Variants in ESCO2 observed in about 807,000 individuals in gnomAD.
The protein encoded by ESCO2 is N-acetyltransferase ESCO2.
Under a neutral mutation model 61.7 loss-of-function variants are expected in ESCO2, and 51 were observed. The observed-to-expected ratio is 0.83, with a 90% confidence interval of 0.66 to 1.04. ESCO2 has a LOEUF of 1.04. Ranked by LOEUF, ESCO2 falls within the 50% of genes least tolerant of loss-of-function variation. The pLI is 0.00. For synonymous variants in ESCO2, 230 were observed against 238.2 expected (o/e 0.97, Z 0.32); for missense variants, 692 against 686.2 (o/e 1.01, Z -0.09).
chr8:27,776,293 C>T, intron 2 of ESCO2, 69 bp from the exon 3 acceptor site: 1 of 1,313,386 alleles, frequency 7.6e-7, no homozygotes, highest in Non-Finnish European at 1.1e-6. Context: ...GTAGAGCTTA[C>T]TTAGCAGTAG....
Position 27,805,000 on chromosome 8 carries a change from CGGCCGGGCGCGG to C in ESCO2, c.*1563_*1574del, listed in dbSNP as rs1805530607. ...GAGATTGCCAAAAGAAGAGGCTTCCCGGCCGGGCGCGGTGGCTCACGCCTGTAATCCCAGCAC... is the reference window on the plus strand; with the variant it reads ...GAGATTGCCAAAAGAAGAGGCTTCCCTGGCTCACGCCTGTAATCCCAGCAC... On this transcript the variant is annotated 3_prime_UTR_variant, in exon 11 of 11. Coordinates refer to ENST00000305188, the MANE Select transcript of ESCO2 (RefSeq NM_001017420.3). 8.8e-6 allele frequency: 2 copies of C among 226,860 alleles called. No homozygotes were observed. The highest frequency in any genetic ancestry group is 2.1e-4 in the East Asian group (1 of 4,710). The allele number at this position is 226,860 out of a possible 1,614,324, so 14.1% of individuals were successfully genotyped here.
chr8:27,792,073 ATC>A, intron 8 of ESCO2, 21 bp downstream of exon 8: 2 of 1,611,410 alleles, frequency 1.2e-6, no homozygotes, highest in Non-Finnish European at 8.5e-7. Context: ...TTATCTTTTT[ATC>A]TCTTGCCTTT....
At position 27,804,886 on chromosome 8, in the gene ESCO2, ATTCTT is replaced by A. The variant is rs549240800; in HGVS notation, c.*1450_*1454del. The A allele has an allele frequency of 4.0e-6, 2 of 505,156 alleles. No individual in the cohort carries two copies. Among genetic ancestry groups the A allele is most frequent in the African/African-American group, 2.1e-5 (1 of 48,114 alleles). 31.3% of individuals were successfully genotyped at this position (505,156 alleles called of 1,614,324 possible). A position where few individuals can be genotyped will look rare whatever the true frequency, so the allele number is the denominator to read the frequency against. Reference sequence around the variant, plus strand: ...ATGCTTTTGTTATGAATCAATTAAAATTCTTTATTTTATACAACTAAATCTGATTT... The same window carrying A: ...ATGCTTTTGTTATGAATCAATTAAAATATTTTATACAACTAAATCTGATTT... On this transcript the variant is annotated 3_prime_UTR_variant, in exon 11 of 11. Coordinates refer to ENST00000305188, the MANE Select transcript of ESCO2 (RefSeq NM_001017420.3).
At chr8:27,794,215 T>G (rs1277641212) in intron 9 of ESCO2, among the ~76,000 whole-genome samples, 1 of 152,228 alleles carries the variant, frequency 6.6e-6, no homozygotes, top group Non-Finnish European at 1.5e-5. Flanking sequence ...CAGATTTCTC[T>G]TCAACATACT....
chr8:27,777,233 T>A lies in ESCO2; in HGVS notation c.861+64T>A, dbSNP rs777530905. ...CAAAACTTCAGTATAAATGACATAG[T>A]TGAATAAAATTTTATTTTCTGGACT... is the stretch of plus-strand genomic sequence containing the variant. On this transcript the variant is annotated intron_variant, in intron 3 of 10. Transcript: ENST00000305188. 2.8e-6 allele frequency: 4 copies of A among 1,452,290 alleles called. No homozygotes were observed. The African/African-American group carries it at 5.8e-5, about 21-fold the overall frequency. The allele number at this position is 1,452,290 out of a possible 1,614,324, so 90.0% of individuals were successfully genotyped here. A position where few individuals can be genotyped will look rare whatever the true frequency, so the allele number is the denominator to read the frequency against.
downstream of ESCO2, chr8:27,811,222 C>G (rs1192754650): frequency 4.5e-6 from 5 of 1,103,132 alleles, no homozygotes; most frequent in African/African-American, 3.1e-5. Flanking sequence ...ACGATTTGAA[C>G]AAGTAGTTCA....
chr8:27,811,731 A>G (rs4732757), downstream of ESCO2, among the ~76,000 whole-genome samples: 23,907 of 152,178 alleles, frequency 0.16, 2,378 homozygotes, highest in East Asian at 0.36. Flanking sequence ...GGATCAATTT[A>G]GTAAGCATTA....
chr8:27,785,684 A>C (rs1449673525), intron 5 of ESCO2, among the ~76,000 whole-genome samples: 8 of 149,540 alleles, frequency 5.3e-5, no homozygotes, highest in African/African-American at 7.5e-5. Flanking sequence ...TGGGCAACAG[A>C]GCAAGATTCC....
At chr8:27,796,979 G>T (rs530142898) in intron 9 of ESCO2, among the ~76,000 whole-genome samples, 43 of 152,280 alleles carry the variant, frequency 2.8e-4, no homozygotes, top group Non-Finnish European at 4.6e-4. Flanking sequence ...AGGCATGGTA[G>T]TGCATGCCTA....
At chr8:27,785,348 C>T (rs1447014423) in intron 5 of ESCO2, among the ~76,000 whole-genome samples, 1 of 152,198 alleles carries the variant, frequency 6.6e-6, no homozygotes, top group Admixed American at 6.5e-5. Flanking sequence ...GGGACGTGTT[C>T]AAACCATAGC....
At chr8:27,803,193 C>A in intron 10 of ESCO2, 113 bp from the exon 11 acceptor site, 1 of 917,298 alleles carries the variant, frequency 1.1e-6, no homozygotes, top group Non-Finnish European at 1.7e-6. Flanking sequence ...GGCATTTTTT[C>A]ACTTACTAAA....
At chr8:27,784,623 G>C (rs546300074) in intron 5 of ESCO2, among the ~76,000 whole-genome samples, 12 of 152,260 alleles carry the variant, frequency 7.9e-5, no homozygotes, top group Admixed American at 5.9e-4. Context: ...ACTTGCAGCA[G>C]CTTAATGTTA....
downstream of ESCO2, among the ~76,000 whole-genome samples, chr8:27,811,638 C>T (rs1232051888): frequency 6.6e-6 from 1 of 152,204 alleles, no homozygotes; most frequent in Non-Finnish European, 1.5e-5. Flanking sequence ...GGTCCACTCA[C>T]ATTTCCATTT....
chr8:27,810,333 ATG>A (rs1490462019), downstream of ESCO2: 1 of 1,612,642 alleles, frequency 6.2e-7, no homozygotes, highest in East Asian at 2.2e-5. Flanking sequence ...AGCTTCAACA[ATG>A]TGTGCAGCAG....
intron 9 of ESCO2, among the ~76,000 whole-genome samples, chr8:27,793,479 G>GTTTTTTTTT (rs67670087): frequency 4.0e-5 from 5 of 125,508 alleles, no homozygotes; most frequent in Non-Finnish European, 5.0e-5. Context: ...CTTTTTCTTT[G>GTTTTTTTTT]TTTTTTTTTT....
chr8:27,777,330 G>C, intron 3 of ESCO2, 161 bp downstream of exon 3: 2 of 682,632 alleles, frequency 2.9e-6, no homozygotes, highest in Non-Finnish European at 4.5e-6. Flanking sequence ...TTTTAAGACA[G>C]GGTCTTTCTT....
Position 27,788,419 on chromosome 8 carries a change from G to A in ESCO2, c.1131+417G>A, listed in dbSNP as rs576100108. On this transcript the variant is annotated intron_variant, in intron 6 of 10. Coordinates refer to ENST00000305188, the MANE Select transcript of ESCO2 (RefSeq NM_001017420.3). ...ATCTTATTCTTTCTTAGAACCATGAGTCTAGTAAATAATCTTGTAAAAATA... is the reference window on the plus strand; with the variant it reads ...ATCTTATTCTTTCTTAGAACCATGAATCTAGTAAATAATCTTGTAAAAATA... Among the ~76,000 whole-genome samples the A allele has an allele frequency of 2.6e-5, 4 of 152,188 alleles. No homozygotes were observed. The South Asian group carries it at 8.3e-4, about 32-fold the overall frequency.
At chr8:27,795,331 T>G (rs969921466) in intron 9 of ESCO2, among the ~76,000 whole-genome samples, 30 of 152,324 alleles carry the variant, frequency 2.0e-4, no homozygotes, top group African/African-American at 6.7e-4. Flanking sequence ...AGTTTGTTTT[T>G]CCTGTATAGA....
At chr8:27,808,648 G>A (rs1031535550), downstream of ESCO2, among the ~76,000 whole-genome samples, 4 of 138,208 alleles carry the variant, frequency 2.9e-5, no homozygotes, top group South Asian at 4.6e-4. Context: ...TTGCCCCACT[G>A]TACTCCAGCC....
Sources: allele counts gnomAD v4.1 joint callset (sites outside exome capture counted in the v4.1 genomes callset), GRCh38; gene constraint gnomAD v4.1.1; transcripts MANE v1.5; gene names NCBI Gene and HGNC (gene_info 2026-07-23, HGNC 2026-07-21).